The following CECR2 variants were observed in gnomAD, a reference collection of about 807,000 sequenced individuals.
CECR2 encodes the protein chromatin remodeling regulator CECR2.
A neutral mutation model predicts 154.5 loss-of-function variants in CECR2; 30 were observed. That is an observed-to-expected ratio of 0.19 (90% CI 0.15 to 0.26). CECR2 has a LOEUF of 0.26. CECR2 is among the 10% of genes least tolerant of loss of function. The pLI is 1.00. For synonymous variants in CECR2, 725 were observed against 683.7 expected (o/e 1.06, Z -0.94); for missense variants, 1,743 against 1,829.3 (o/e 0.95, Z 0.86).
rs1463566616 is a variant in CECR2 at position 17,549,339 on chromosome 22, C to T, written c.4052C>T (p.Pro1351Leu). ...VMLQTGPPYT[P>L]QRPASHFQPR... ...CTGCAGACGGGGCCTCCCTATACCC[C>T]TCAGCGGCCGGCCAGTCACTTTCAG... Residue 1351 changes from proline to leucine, a missense_variant, in exon 17 of 19, where the codon CCT becomes CTT. Physicochemically the swap from Pro to Leu is moderately conservative, Grantham distance 98 (BLOSUM62 -3). Coordinates refer to ENST00000262608, the MANE Select transcript of CECR2 (RefSeq NM_001290047.2). 3 of 1,613,878 alleles carry T rather than the reference C, an allele frequency of 1.9e-6. No homozygotes were observed. In the South Asian group the frequency reaches 3.3e-5, roughly 18 times the overall value.
In CECR2 at chr22:17,503,252, C is replaced by T. The variant is rs1601471341; in HGVS notation, c.700+121C>T. The T allele has an allele frequency of 6.3e-6, 5 of 799,098 alleles. No individual in the cohort carries two copies. The East Asian group carries it at 1.1e-4, about 18-fold the overall frequency. The allele number at this position is 799,098 out of a possible 1,614,324, so 49.5% of individuals were successfully genotyped here. ...GTTATTGCAATAGCCTTTTACCTAC[C>T]CCCTGTACTCTTCTTCAGTTCTCCT... is the stretch of plus-strand genomic sequence containing the variant. On this transcript the variant is annotated intron_variant, in intron 6 of 18. Transcript: ENST00000262608.
At chr22:17,524,070 T>C in intron 8 of CECR2, 48 bp from the exon 9 acceptor site, 3 of 1,407,872 alleles carry the variant, frequency 2.1e-6, no homozygotes, top group South Asian at 1.2e-5. Flanking sequence ...AAAGAGCTTA[T>C]CTTGCATGAT....
At position 17,400,097 on chromosome 22, in the gene CECR2, A is replaced by G. The variant is rs115396587; in HGVS notation, c.126+30188A>G. Among the ~76,000 whole-genome samples, 557 of 152,310 alleles carry G rather than the reference A, an allele frequency of 3.7e-3. 3 individuals carry two copies. The highest frequency in any genetic ancestry group is 0.013 in the African/African-American group (522 of 41,570). ...TCTGAAGTGCAGATTTGGCTTCCCC[A>G]TTAGTCTTAGTTTCCTCATTTTCCT... On this transcript the variant is annotated intron_variant, in intron 1 of 18. Transcript: ENST00000262608.
intron 1 of CECR2, among the ~76,000 whole-genome samples, chr22:17,469,479 C>T (rs905857214): frequency 5.3e-5 from 8 of 152,196 alleles, no homozygotes; most frequent in Non-Finnish European, 8.8e-5. Context: ...CCCGCGACAG[C>T]GCGTCATCAC....
chr22:17,526,723 C>T (rs1203513323), intron 9 of CECR2, among the ~76,000 whole-genome samples: 2 of 147,488 alleles, frequency 1.4e-5, no homozygotes, highest in East Asian at 2.1e-4. Context: ...GCAAGAAAAT[C>T]GCTTGAACCT....
In CECR2 at chr22:17,542,304, G is replaced by A. The variant is rs745331512; in HGVS notation, c.2161G>A (p.Gly721Arg). The A allele has an allele frequency of 3.6e-5, 58 of 1,612,230 alleles. No homozygotes were observed. The highest frequency in any genetic ancestry group is 4.7e-5 in the Non-Finnish European group (56 of 1,179,228). ...GCAGATAAGTGGCCCAAGTCAGGATGGAAGCATGTATGCTCCAGCTCAGTT... is the reference window on the plus strand; with the variant it reads ...GCAGATAAGTGGCCCAAGTCAGGATAGAAGCATGTATGCTCCAGCTCAGTT... ...LGQISGPSQDGSMYAPAQFQP... is the reference protein window; with the variant it reads ...LGQISGPSQDRSMYAPAQFQP... The change falls in exon 16 of 19, where the codon GGA becomes AGA. Residue 721 changes from glycine (G) to arginine (R), a missense_variant. Gly to Arg is a moderately radical substitution (Grantham distance 125). Coordinates refer to ENST00000262608, the MANE Select transcript of CECR2 (RefSeq NM_001290047.2).
At chr22:17,454,520 G>T (rs2054823022) in intron 1 of CECR2, among the ~76,000 whole-genome samples, 1 of 150,738 alleles carries the variant, frequency 6.6e-6, no homozygotes, top group Non-Finnish European at 1.5e-5. Context: ...CAGGAGAATG[G>T]CATGAACCTG....
intron 2 of CECR2, among the ~76,000 whole-genome samples, chr22:17,479,854 A>T (rs959825869): frequency 6.7e-6 from 1 of 149,318 alleles, no homozygotes. Context: ...TGTAGCCTCA[A>T]CCTGGGCTCT....
At chr22:17,433,317 G>A (rs2054455108) in intron 1 of CECR2, among the ~76,000 whole-genome samples, 1 of 152,182 alleles carries the variant, frequency 6.6e-6, no homozygotes, top group African/African-American at 2.4e-5. Context: ...TTTATGTGTA[G>A]AACTGATAAA....
upstream of CECR2, chr22:17,369,457 C>G (rs1187902058): frequency 2.0e-5 from 3 of 151,176 alleles, no homozygotes; most frequent in Admixed American, 1.3e-4. Context: ...CGCCCCTAGC[C>G]CCATCTGTTT....
In CECR2 at chr22:17,474,130, A is replaced by G. The variant is rs78103398; in HGVS notation, c.127-3458A>G. ...GGTTCGTCACCTATTCTTGGTTCTC[A>G]TCTTTACTGATTCTGCATTTTAAGT... On this transcript the variant is annotated intron_variant, in intron 1 of 18. Transcript: ENST00000262608. Among the ~76,000 whole-genome samples, 1,764 of 152,180 alleles carry G rather than the reference A, an allele frequency of 0.012. 66 individuals are homozygous for G. The East Asian group carries it at 0.16, about 14-fold the overall frequency.
intron 1 of CECR2, chr22:17,428,641 T>C (rs1364519674): frequency 6.6e-6 from 1 of 152,168 alleles, no homozygotes; most frequent in Non-Finnish European, 1.5e-5. Flanking sequence ...TTTTCTTTCT[T>C]TTTTAAATTT....
intron 1 of CECR2, among the ~76,000 whole-genome samples, chr22:17,459,246 GA>G (rs1327185661): frequency 1.3e-5 from 2 of 152,086 alleles, no homozygotes; most frequent in Non-Finnish European, 2.9e-5. Context: ...TTATATTTTA[GA>G]AAAAAGATCC....
chr22:17,429,314 A>G (rs751962994), intron 1 of CECR2, among the ~76,000 whole-genome samples: 3 of 152,178 alleles, frequency 2.0e-5, no homozygotes, highest in Non-Finnish European at 4.4e-5. Flanking sequence ...AGAGATTCCA[A>G]TGTAGTCAGA....
chr22:17,514,139 T>G (rs938526706), intron 8 of CECR2, among the ~76,000 whole-genome samples: 2 of 152,338 alleles, frequency 1.3e-5, no homozygotes, highest in East Asian at 3.9e-4. Context: ...TAAAAGACTT[T>G]GAGTTGTGAC....
intron 1 of CECR2, among the ~76,000 whole-genome samples, chr22:17,428,826 G>GTGTGTGTGTATATA (rs369291932): frequency 2.7e-5 from 4 of 150,710 alleles, no homozygotes; most frequent in African/African-American, 9.8e-5. Flanking sequence ...GTGTGTGTGT[G>GTGTGTGTGTATATA]TATATAAAGG....
intron 1 of CECR2, among the ~76,000 whole-genome samples, chr22:17,362,844 G>A (rs1251937866): frequency 2.1e-5 from 3 of 143,186 alleles, no homozygotes; most frequent in African/African-American, 7.7e-5. Flanking sequence ...AGAGGTTGCA[G>A]TGAGCCGAGA....
chr22:17,446,193 G>A (rs1056797992), intron 1 of CECR2, among the ~76,000 whole-genome samples: 1 of 152,180 alleles, frequency 6.6e-6, no homozygotes, highest in South Asian at 2.1e-4. Flanking sequence ...TTCTGGAGCA[G>A]TAGTTGTTTT....
chr22:17,436,325 A>G (rs1166670648), intron 1 of CECR2, among the ~76,000 whole-genome samples: 1 of 152,194 alleles, frequency 6.6e-6, no homozygotes, highest in Non-Finnish European at 1.5e-5. Flanking sequence ...GCTTAATTCA[A>G]CATTTAAATA....
Sources: gnomAD v4.1 joint callset for allele counts (sites outside exome capture counted in the v4.1 genomes callset) on GRCh38, gnomAD v4.1.1 for gene constraint, MANE v1.5 for transcripts, NCBI Gene and HGNC (gene_info 2026-07-23, HGNC 2026-07-21) for gene names.